Variants in TMEM117 observed in about 807,000 individuals in gnomAD.
TMEM117 encodes transmembrane protein 117.
TMEM117 carries 27 observed loss-of-function variants against 52.4 expected under a neutral mutation model. The ratio of observed to expected loss-of-function variants is 0.51; its 90% CI spans 0.38 to 0.71. The LOEUF is 0.71. Ranked by LOEUF, TMEM117 falls within the 30% of genes least tolerant of loss-of-function variation. The pLI is 0.00. For missense variants in TMEM117, 556 were observed against 630.5 expected (o/e 0.88, Z 1.26); for synonymous variants, 215 against 206.3 (o/e 1.04, Z -0.36).
chr12:43,854,903 C>T (rs1011635243), intron 2 of TMEM117, among the ~76,000 whole-genome samples: 5 of 152,228 alleles, frequency 3.3e-5, no homozygotes, highest in Non-Finnish European at 4.4e-5. Context: ...TCCCAAAGTG[C>T]TGGGATTACA....
intron 4 of TMEM117, among the ~76,000 whole-genome samples, chr12:44,169,942 G>A (rs1949021369): frequency 6.6e-6 from 1 of 152,024 alleles, no homozygotes; most frequent in African/African-American, 2.4e-5. Flanking sequence ...TCCCATTACT[G>A]GGCATATACC....
intron 2 of TMEM117, among the ~76,000 whole-genome samples, chr12:43,855,942 C>T (rs1731452): frequency 0.69 from 105,536 of 152,036 alleles, 40,951 homozygotes; most frequent in East Asian, 0.87. Flanking sequence ...AAGAATTCGA[C>T]ATTTAGGAAT....
intron 3 of TMEM117, among the ~76,000 whole-genome samples, chr12:43,951,291 C>T (rs1273543235): frequency 6.6e-6 from 1 of 152,220 alleles, no homozygotes; most frequent in Non-Finnish European, 1.5e-5. Flanking sequence ...CAGTGAGACG[C>T]AAGCGTCCAC....
chr12:44,098,915 T>C (rs1243093445), intron 3 of TMEM117, among the ~76,000 whole-genome samples: 1 of 152,100 alleles, frequency 6.6e-6, no homozygotes, highest in Admixed American at 6.6e-5. Flanking sequence ...CATTTCTTGA[T>C]CTCATGGCAG....
At chr12:44,079,398 C>T (rs189299571) in intron 3 of TMEM117, among the ~76,000 whole-genome samples, 2,649 of 152,188 alleles carry the variant, frequency 0.017, 28 homozygotes, top group Non-Finnish European at 0.026. Flanking sequence ...TTTTAATGAT[C>T]GCCATTCTAA....
chr12:44,387,903 T>G, intron 7 of TMEM117, 123 bp from the exon 8 acceptor site: 1 of 917,792 alleles, frequency 1.1e-6, no homozygotes, highest in East Asian at 2.6e-5. Context: ...AAAATATTAA[T>G]TGTTAACCAG....
chr12:44,314,628 G>T (rs943864938), intron 6 of TMEM117, among the ~76,000 whole-genome samples: 1 of 149,292 alleles, frequency 6.7e-6, no homozygotes, highest in Non-Finnish European at 1.5e-5. Flanking sequence ...GTGCAGTGGC[G>T]CAATTTCAGC....
At position 43,878,219 on chromosome 12, in the gene TMEM117, C is replaced by T. The variant is rs57066844; in HGVS notation, c.277+33291C>T. Among the ~76,000 whole-genome samples, 6 of 151,958 alleles carry T rather than the reference C, an allele frequency of 3.9e-5. No individual in the cohort carries two copies. The South Asian group carries it at 6.2e-4, about 16-fold the overall frequency. ...AAACTAGACAGCTTCCTGTAGTTCT[C>T]GGAGGAATTTCAGGGCTTTAAAGAG... On this transcript the variant is annotated intron_variant, in intron 2 of 7. Coordinates refer to ENST00000266534, the MANE Select transcript of TMEM117 (RefSeq NM_032256.3).
downstream of TMEM117, among the ~76,000 whole-genome samples, chr12:44,393,904 A>G (rs1952171331): frequency 6.6e-6 from 1 of 152,200 alleles, no homozygotes; most frequent in Non-Finnish European, 1.5e-5. Flanking sequence ...TCTCAATACA[A>G]TTCCTAGCAC....
intron 6 of TMEM117, among the ~76,000 whole-genome samples, chr12:44,334,139 A>G (rs925500836): frequency 3.3e-5 from 5 of 152,052 alleles, no homozygotes; most frequent in Admixed American, 2.6e-4. Context: ...TTTGATGACA[A>G]ACTTTTGCTT....
At chr12:44,331,424 G>A (rs914743097) in intron 6 of TMEM117, among the ~76,000 whole-genome samples, 3 of 151,850 alleles carry the variant, frequency 2.0e-5, no homozygotes. Context: ...TGTCTTCAGG[G>A]CCCAACTGTC....
intron 4 of TMEM117, among the ~76,000 whole-genome samples, chr12:44,202,184 A>G (rs961241807): frequency 3.9e-5 from 6 of 152,112 alleles, no homozygotes; most frequent in Non-Finnish European, 7.4e-5. Context: ...CATAGTAGGG[A>G]GTAAGTAAAA....
At chr12:43,853,833 C>G (rs1178335352) in intron 2 of TMEM117, among the ~76,000 whole-genome samples, 10 of 152,080 alleles carry the variant, frequency 6.6e-5, no homozygotes, top group African/African-American at 2.4e-4. Context: ...CTTTGTTGCC[C>G]ATGTGGGACC....
intron 6 of TMEM117, among the ~76,000 whole-genome samples, chr12:44,350,551 ACT>A (rs1212189767): frequency 6.6e-6 from 1 of 151,664 alleles, no homozygotes; most frequent in East Asian, 1.9e-4. Flanking sequence ...CCGTTCTTCT[ACT>A]CTCTATCTCC....
chr12:44,326,633 C>G (rs144505495), intron 6 of TMEM117, among the ~76,000 whole-genome samples: 9 of 152,294 alleles, frequency 5.9e-5, no homozygotes, highest in African/African-American at 2.2e-4. Flanking sequence ...GGCATCAAAT[C>G]CATCTTCCAC....
At chr12:44,276,111 T>C (rs912135402) in intron 5 of TMEM117, among the ~76,000 whole-genome samples, 1 of 152,096 alleles carries the variant, frequency 6.6e-6, no homozygotes, top group African/African-American at 2.4e-5. Flanking sequence ...AGAACTGTCA[T>C]GTGATCAAGC....
intron 3 of TMEM117, among the ~76,000 whole-genome samples, chr12:44,023,870 G>A (rs1303193172): frequency 6.6e-6 from 1 of 150,726 alleles, no homozygotes; most frequent in African/African-American, 2.4e-5. Context: ...GCTAAATGAC[G>A]AGTTAATGGG....
chr12:43,797,157 T>C, the TMEM117 span: 2 of 1,511,160 alleles, frequency 1.3e-6, no homozygotes, highest in Non-Finnish European at 1.8e-6. Context: ...TTCATAAAAC[T>C]ACATATATAA....
intron 5 of TMEM117, among the ~76,000 whole-genome samples, chr12:44,212,459 C>T (rs1949659169): frequency 6.6e-6 from 1 of 152,030 alleles, no homozygotes; most frequent in Admixed American, 6.6e-5. Flanking sequence ...AGTGATATGG[C>T]TTCCTTTAAG....
Sources: allele counts gnomAD v4.1 joint callset (sites outside exome capture counted in the v4.1 genomes callset), GRCh38; gene constraint gnomAD v4.1.1; transcripts MANE v1.5; gene names NCBI Gene and HGNC (gene_info 2026-07-23, HGNC 2026-07-21).